THADA: variants seen among roughly 807,000 people sequenced by gnomAD.
THADA encodes the protein tRNA (32-2'-O)-methyltransferase regulator THADA.
In THADA, 213 loss-of-function variants were observed where a neutral mutation model predicts 219.8. That is an observed-to-expected ratio of 0.97 (90% CI 0.87 to 1.09). The LOEUF is 1.09. Ranked by LOEUF, THADA falls within the 50% of genes least tolerant of loss-of-function variation. The pLI, the probability that THADA is intolerant of heterozygous loss-of-function variation, is 0.00. For missense variants in THADA, 2,956 were observed against 2,311.3 expected (o/e 1.28, Z -5.72); for synonymous variants, 1,018 against 828.9 (o/e 1.23, Z -3.92).
At chr2:43,480,291 A>G in intron 26 of THADA, among the ~76,000 whole-genome samples, 1 of 152,206 alleles carries the variant, frequency 6.6e-6, no homozygotes, top group Non-Finnish European at 1.5e-5. Flanking sequence ...TGGCCCACGC[A>G]CTAAAGAAAT....
chr2:43,546,708 G>T (rs1366596646), intron 20 of THADA, among the ~76,000 whole-genome samples: 11 of 151,516 alleles, frequency 7.3e-5, no homozygotes, highest in South Asian at 2.1e-4. Context: ...CCTTTTTTTG[G>T]TTTCCATTTG....
intron 21 of THADA, among the ~76,000 whole-genome samples, chr2:43,533,946 T>C (rs970080286): frequency 2.0e-5 from 3 of 152,186 alleles, no homozygotes; most frequent in Non-Finnish European, 4.4e-5. Context: ...CAGGTGACAT[T>C]ATGGACATAT....
chr2:43,511,333 T>A (rs1690415737), intron 22 of THADA, among the ~76,000 whole-genome samples: 1 of 152,146 alleles, frequency 6.6e-6, no homozygotes, highest in African/African-American at 2.4e-5. Context: ...CAACTGTCAG[T>A]GGGCCTCCCC....
At chr2:43,584,194 T>TA (rs1559025107) in intron 7 of THADA, among the ~76,000 whole-genome samples, 3 of 152,006 alleles carry the variant, frequency 2.0e-5, no homozygotes, top group Admixed American at 1.3e-4. Flanking sequence ...AAGACTTTTT[T>TA]AAAAAAATAA....
At chr2:43,391,707 C>A (rs1673405426) in intron 29 of THADA, 1 of 152,120 alleles carries the variant, frequency 6.6e-6, no homozygotes. Context: ...CGATGCTGCT[C>A]CCAGCTGCAG....
At chr2:43,357,880 A>G (rs1239082937) in intron 29 of THADA, among the ~76,000 whole-genome samples, 2 of 152,254 alleles carry the variant, frequency 1.3e-5, no homozygotes, top group Admixed American at 1.3e-4. Context: ...AAAGTTTTAC[A>G]GTAGAAATGC....
chr2:43,462,728 G>A (rs1042707127), intron 26 of THADA, among the ~76,000 whole-genome samples: 12 of 152,136 alleles, frequency 7.9e-5, no homozygotes, highest in Non-Finnish European at 1.8e-4. Flanking sequence ...GGGATACAAA[G>A]ATGAATTTGG....
intron 24 of THADA, among the ~76,000 whole-genome samples, chr2:43,504,501 C>G (rs1689406328): frequency 6.6e-6 from 1 of 152,232 alleles, no homozygotes; most frequent in Non-Finnish European, 1.5e-5. Context: ...GAAATAAAAT[C>G]ATATGTACTT....
chr2:43,481,170 C>T lies in THADA; in HGVS notation c.3836+4064G>A, dbSNP rs536092772. 5.3e-5 allele frequency among the ~76,000 whole-genome samples: 8 copies of T among 149,620 alleles called. No homozygotes were observed. In the East Asian group the frequency reaches 6.1e-4, roughly 11 times the overall value. ...GCACGATGCTGGACTGGATTAGATG[C>T]CCCTTGAAGGATCCTTCCAGACCTA... On this transcript the variant is annotated intron_variant, in intron 26 of 37. Transcript: ENST00000405975.
At chr2:43,478,490 G>A (rs983390120) in intron 26 of THADA, among the ~76,000 whole-genome samples, 3 of 152,106 alleles carry the variant, frequency 2.0e-5, no homozygotes, top group African/African-American at 7.2e-5. Flanking sequence ...CAATCCTGAC[G>A]TCTTAAATTA....
At chr2:43,335,387 C>G (rs149329629) in intron 30 of THADA, among the ~76,000 whole-genome samples, 1 of 152,270 alleles carries the variant, frequency 6.6e-6, no homozygotes, top group Non-Finnish European at 1.5e-5. Flanking sequence ...TGTGTGAAAA[C>G]GGATAAATCC....
At chr2:43,368,522 C>T (rs752824601) in intron 29 of THADA, among the ~76,000 whole-genome samples, 1 of 151,814 alleles carries the variant, frequency 6.6e-6, no homozygotes, top group Admixed American at 6.6e-5. Context: ...TCAGCCTCCC[C>T]AGTAGCTGGA....
intron 34 of THADA, among the ~76,000 whole-genome samples, chr2:43,290,856 G>C (rs564846661): frequency 6.6e-5 from 10 of 151,900 alleles, no homozygotes; most frequent in African/African-American, 2.2e-4. Context: ...CATCTTCCCA[G>C]GAAGCTGTTT....
chr2:43,251,435 C>A (rs1421807524), intron 36 of THADA, among the ~76,000 whole-genome samples: 1 of 152,224 alleles, frequency 6.6e-6, no homozygotes, highest in East Asian at 1.9e-4. Context: ...AGCCCTGAAG[C>A]CTGCTGGTGT....
intron 28 of THADA, among the ~76,000 whole-genome samples, chr2:43,424,074 A>G (rs932329294): frequency 1.3e-5 from 2 of 152,198 alleles, no homozygotes; most frequent in African/African-American, 4.8e-5. Context: ...GGATTTTTTA[A>G]AAGTTGTATA....
rs139709097 is a variant in THADA at position 43,319,011 on chromosome 2, T to C, written c.4438+1435A>G. On this transcript the variant is annotated intron_variant, in intron 31 of 37. Coordinates refer to ENST00000405975, the MANE Select transcript of THADA (RefSeq NM_022065.5). ...CATAAACTGCCAGAATCCCAGTGAG[T>C]AGATTTGTAAGCAATGAACAAATCT... 4.4e-3 allele frequency among the ~76,000 whole-genome samples: 676 copies of C among 152,308 alleles called. 6 individuals carry two copies. The highest frequency in any genetic ancestry group is 0.015 in the African/African-American group (615 of 41,574).
intron 25 of THADA, among the ~76,000 whole-genome samples, chr2:43,495,492 G>A (rs192612705): frequency 2.0e-5 from 3 of 152,180 alleles, no homozygotes; most frequent in Admixed American, 6.5e-5. Context: ...GAAAGAAAAT[G>A]AATCAGAATG....
chr2:43,365,016 G>A (rs1669966178), intron 29 of THADA, among the ~76,000 whole-genome samples: 1 of 149,998 alleles, frequency 6.7e-6, no homozygotes, highest in African/African-American at 2.5e-5. Flanking sequence ...GGAGTGCGGT[G>A]GCATGATCTC....
chr2:43,553,312 T>C (rs2103890357), intron 17 of THADA, among the ~76,000 whole-genome samples: 1 of 152,266 alleles, frequency 6.6e-6, no homozygotes, highest in South Asian at 2.1e-4. Context: ...CCAATATTGG[T>C]ATTTTGAAGT....
Sources: allele counts gnomAD v4.1 joint callset (sites outside exome capture counted in the v4.1 genomes callset), GRCh38; gene constraint gnomAD v4.1.1; transcripts MANE v1.5; gene names NCBI Gene and HGNC (gene_info 2026-07-23, HGNC 2026-07-21).